TMEM117: variants seen among roughly 807,000 people sequenced by gnomAD.
TMEM117 encodes the protein transmembrane protein 117.
TMEM117 carries 27 observed loss-of-function variants against 52.4 expected under a neutral mutation model. That is an observed-to-expected ratio of 0.51 (90% CI 0.38 to 0.71). The LOEUF (loss-of-function observed/expected upper bound fraction) is 0.71. Among genes scored for constraint, TMEM117 ranks in the 30% least tolerant of loss-of-function variants. The pLI, the probability that TMEM117 is intolerant of heterozygous loss-of-function variation, is 0.00. For synonymous variants in TMEM117, 215 were observed against 206.3 expected (o/e 1.04, Z -0.36); for missense variants, 556 against 630.5 (o/e 0.88, Z 1.26).
rs1948726736 is a variant in TMEM117, at chr12:44,151,600, C to G, written c.510+7976C>G. ...ATTTATCCACCATTTACCTGAAGAA[C>G]TTTGAATAAAGCCCAGGAGGCATTG... On this transcript the variant is annotated intron_variant, in intron 4 of 7. Transcript: ENST00000266534. Among the ~76,000 whole-genome samples, 4 of 144,776 alleles carry G rather than the reference C, an allele frequency of 2.8e-5. No individual in the cohort carries two copies. In the Admixed American group the frequency reaches 2.9e-4, roughly 11 times the overall value. The allele number at this position is 144,776 out of a possible 152,430, so 95.0% of individuals were successfully genotyped here.
At chr12:43,848,702 T>G (rs999592528) in intron 2 of TMEM117, among the ~76,000 whole-genome samples, 20 of 152,174 alleles carry the variant, frequency 1.3e-4, no homozygotes, top group Non-Finnish European at 1.9e-4. Flanking sequence ...GGTCCTGAGG[T>G]GACATACATC....
At chr12:44,254,870 C>T (rs1007375329) in intron 5 of TMEM117, among the ~76,000 whole-genome samples, 9 of 151,778 alleles carry the variant, frequency 5.9e-5, no homozygotes, top group African/African-American at 2.2e-4. Flanking sequence ...CATGTATTCT[C>T]ATTGTTCAAT....
intron 5 of TMEM117, among the ~76,000 whole-genome samples, chr12:44,291,618 G>A (rs1565680021): frequency 6.6e-6 from 1 of 151,794 alleles, no homozygotes; most frequent in African/African-American, 2.4e-5. Flanking sequence ...TAAGTACAAC[G>A]TTGGTTGAGA....
intron 5 of TMEM117, among the ~76,000 whole-genome samples, chr12:44,224,310 TTTTA>T (rs1053846365): frequency 1.3e-5 from 2 of 152,178 alleles, no homozygotes; most frequent in African/African-American, 4.8e-5. Context: ...GCGTTAGAGA[TTTTA>T]TTTGTTAATC....
At chr12:43,813,626 C>A in the TMEM117 span, among the ~76,000 whole-genome samples, 1 of 152,024 alleles carries the variant, frequency 6.6e-6, no homozygotes, top group East Asian at 1.9e-4. Flanking sequence ...AGTGTGCCAG[C>A]CTACATGAGT....
chr12:44,026,773 T>G (rs995594393), intron 3 of TMEM117, among the ~76,000 whole-genome samples: 63 of 152,164 alleles, frequency 4.1e-4, no homozygotes, highest in African/African-American at 1.5e-3. Flanking sequence ...TATTCATATT[T>G]AGCAATTATC....
chr12:43,801,273 GA>G, the TMEM117 span, among the ~76,000 whole-genome samples: 11 of 150,676 alleles, frequency 7.3e-5, no homozygotes, highest in Admixed American at 3.3e-4. Flanking sequence ...CACAAAGATG[GA>G]AAAAAAAATT....
intron 6 of TMEM117, among the ~76,000 whole-genome samples, chr12:44,300,291 A>G (rs1446007528): frequency 6.6e-5 from 10 of 152,208 alleles, no homozygotes; most frequent in Non-Finnish European, 1.5e-4. Flanking sequence ...ATACAATAGC[A>G]TCACACTAAC....
At chr12:43,850,566 T>C (rs1385865851) in intron 2 of TMEM117, among the ~76,000 whole-genome samples, 1 of 152,158 alleles carries the variant, frequency 6.6e-6, no homozygotes, top group Non-Finnish European at 1.5e-5. Flanking sequence ...TAGTTTTCCA[T>C]TTTCCTTCAA....
the TMEM117 span, among the ~76,000 whole-genome samples, chr12:44,398,061 AG>A: frequency 6.6e-6 from 1 of 150,670 alleles, no homozygotes; most frequent in Non-Finnish European, 1.5e-5. Flanking sequence ...GACAGAGTAG[AG>A]GGATTTCTGT....
chr12:43,907,452 A>G (rs1944412751), intron 2 of TMEM117, among the ~76,000 whole-genome samples: 1 of 151,562 alleles, frequency 6.6e-6, no homozygotes, highest in Non-Finnish European at 1.5e-5. Context: ...TCCTCCTCCA[A>G]AGGAACGCAG....
intron 2 of TMEM117, among the ~76,000 whole-genome samples, chr12:43,848,504 A>G (rs2137366386): frequency 6.6e-6 from 1 of 152,302 alleles, no homozygotes. Flanking sequence ...GTCCGTTTAT[A>G]GGCTCTCTGC....
chr12:43,905,823 A>C (rs1227004380), intron 2 of TMEM117, among the ~76,000 whole-genome samples: 7 of 152,142 alleles, frequency 4.6e-5, no homozygotes, highest in Non-Finnish European at 8.8e-5. Context: ...CCGTGTTGTG[A>C]TCCTGTGCTC....
chr12:43,968,152 T>C (rs12578394), intron 3 of TMEM117, among the ~76,000 whole-genome samples: 3,344 of 152,324 alleles, frequency 0.022, 112 homozygotes, highest in East Asian at 0.2. Flanking sequence ...GGAGAAGCAC[T>C]ATTGATCTTT....
rs560782485 is a variant in TMEM117, at chr12:44,358,201, AAACT to A, written c.769-18388_769-18385del. ...GGGAGGGAGGCAGTCAAAGGTTGAA[AAACT>A]AACTATTGGGCACTATGCTCAGTAC... On this transcript the variant is annotated intron_variant, in intron 6 of 7. Coordinates refer to ENST00000266534, the MANE Select transcript of TMEM117 (RefSeq NM_032256.3). Among the ~76,000 whole-genome samples, 56 of 152,228 alleles carry A rather than the reference AAACT, an allele frequency of 3.7e-4. No homozygotes were observed. In the South Asian group the frequency reaches 0.011, roughly 31 times the overall value.
intron 5 of TMEM117, among the ~76,000 whole-genome samples, chr12:44,293,189 G>T (rs1458486659): frequency 1.3e-5 from 2 of 151,478 alleles, no homozygotes; most frequent in South Asian, 2.1e-4. Flanking sequence ...TTTGTTTCTT[G>T]TAACAGATTT....
chr12:44,192,176 G>T (rs1949363796), intron 4 of TMEM117, among the ~76,000 whole-genome samples: 1 of 152,122 alleles, frequency 6.6e-6, no homozygotes, highest in African/African-American at 2.4e-5. Context: ...GGTGCAGGGT[G>T]GTCAAATGTC....
chr12:44,008,854 G>T, intron 3 of TMEM117: 1 of 446,298 alleles, frequency 2.2e-6, no homozygotes, highest in Non-Finnish European at 4.4e-6. Flanking sequence ...GTAGATTTGT[G>T]TCATGACTAA....
chr12:43,907,088 A>G (rs987365191), intron 2 of TMEM117, among the ~76,000 whole-genome samples: 2 of 152,172 alleles, frequency 1.3e-5, no homozygotes, highest in Admixed American at 6.5e-5. Context: ...GCAGACTTAA[A>G]TGTCCCTGTC....
Sources: gnomAD v4.1 joint callset for allele counts (sites outside exome capture counted in the v4.1 genomes callset) on GRCh38, gnomAD v4.1.1 for gene constraint, MANE v1.5 for transcripts, NCBI Gene and HGNC (gene_info 2026-07-23, HGNC 2026-07-21) for gene names.